KCNIP4: variants seen among roughly 807,000 people sequenced by gnomAD.
KCNIP4 encodes Kv channel-interacting protein 4.
KCNIP4 carries 12 observed loss-of-function variants against 34.0 expected under a neutral mutation model. The observed-to-expected ratio is 0.35, with a 90% CI of 0.23 to 0.57. The LOEUF (loss-of-function observed/expected upper bound fraction) is 0.57, where lower values mean the gene tolerates loss of function less well. Among genes scored for constraint, KCNIP4 ranks in the 20% least tolerant of loss-of-function variants. KCNIP4 has a pLI of 0.83. For synonymous variants in KCNIP4, 124 were observed against 102.2 expected, an observed-to-expected ratio of 1.21 and a Z score of -1.29; for missense variants, 238 against 311.7, an observed-to-expected ratio of 0.76 and a Z score of 1.78.
At chr4:21,386,017 C>T (rs180733864) in intron 1 of KCNIP4, among the ~76,000 whole-genome samples, 1 of 152,232 alleles carries the variant, frequency 6.6e-6, no homozygotes, top group East Asian at 1.9e-4. Flanking sequence ...AAATATCACA[C>T]TTGTCTCTTT....
intron 1 of KCNIP4, among the ~76,000 whole-genome samples, chr4:21,595,404 G>A (rs969883582): frequency 1.3e-5 from 2 of 152,014 alleles, no homozygotes; most frequent in African/African-American, 4.8e-5. Flanking sequence ...ATGGGCATTT[G>A]GGTGGGTTCC....
intron 1 of KCNIP4, among the ~76,000 whole-genome samples, chr4:21,696,002 C>A (rs1242311744): frequency 6.6e-6 from 1 of 152,016 alleles, no homozygotes; most frequent in Non-Finnish European, 1.5e-5. Flanking sequence ...TGAGAAACAC[C>A]ACAGAGCTCC....
At chr4:21,818,867 A>G (rs1722149095) in intron 1 of KCNIP4, among the ~76,000 whole-genome samples, 1 of 152,170 alleles carries the variant, frequency 6.6e-6, no homozygotes, top group African/African-American at 2.4e-5. Context: ...ACAAAACAAA[A>G]CAACAAAACA....
At chr4:21,592,807 T>C (rs1049775516) in intron 1 of KCNIP4, among the ~76,000 whole-genome samples, 2 of 152,096 alleles carry the variant, frequency 1.3e-5, no homozygotes, top group Admixed American at 6.6e-5. Context: ...GGAAAGTCAC[T>C]GAAAGAGCTG....
Position 21,868,845 on chromosome 4 carries a change from C to T in KCNIP4, c.61+79726G>A, listed in dbSNP as rs149486463. On this transcript the variant is annotated intron_variant, in intron 1 of 8. Transcript: ENST00000382152. ...GAACATAATGCCATAAAGAAAAAAACCCATTGGAACTGATCTTTCTTTGAC... is the reference window on the plus strand; with the variant it reads ...GAACATAATGCCATAAAGAAAAAAATCCATTGGAACTGATCTTTCTTTGAC... Among the ~76,000 whole-genome samples the T allele has an allele frequency of 6.5e-3, 989 of 152,206 alleles. 10 individuals are homozygous for T. Among genetic ancestry groups the T allele is most frequent in the African/African-American group, 0.021 (884 of 41,528 alleles).
intron 1 of KCNIP4, among the ~76,000 whole-genome samples, chr4:21,513,432 C>T (rs186812665): frequency 1.3e-5 from 2 of 152,300 alleles, no homozygotes; most frequent in Non-Finnish European, 2.9e-5. Context: ...ATGTGAGAAG[C>T]TGGCATTGGA....
intron 1 of KCNIP4, among the ~76,000 whole-genome samples, chr4:21,683,531 T>C (rs1018240988): frequency 8.0e-6 from 1 of 125,264 alleles, no homozygotes; most frequent in Non-Finnish European, 1.6e-5. Context: ...TGCAGTGGCA[T>C]GGTCTCAGCT....
intron 1 of KCNIP4, among the ~76,000 whole-genome samples, chr4:21,008,405 G>A (rs1560641172): frequency 1.3e-5 from 2 of 152,186 alleles, no homozygotes; most frequent in Non-Finnish European, 2.9e-5. Flanking sequence ...GTTTGCCAAA[G>A]AGCTGCTCTG....
Position 21,647,217 on chromosome 4 carries a change from TAC to T in KCNIP4, c.61+301352_61+301353del, listed in dbSNP as rs142267377. On this transcript the variant is annotated intron_variant, in intron 1 of 8. Transcript: ENST00000382152. ...GCCACCATACTATATTTATTAACCT[TAC>T]CAGAAAATATAGTACATGCACATAT... Among the ~76,000 whole-genome samples, 545 of 152,250 alleles carry T rather than the reference TAC, an allele frequency of 3.6e-3. 3 individuals are homozygous for T. The highest frequency in any genetic ancestry group is 0.013 in the African/African-American group (522 of 41,550).
At chr4:21,224,701 C>G (rs1273482230) in intron 1 of KCNIP4, among the ~76,000 whole-genome samples, 1 of 149,902 alleles carries the variant, frequency 6.7e-6, no homozygotes, top group African/African-American at 2.5e-5. Context: ...ATTCTCCTGC[C>G]TCAGCCTCCC....
At chr4:21,100,270 G>A (rs997758832) in intron 1 of KCNIP4, among the ~76,000 whole-genome samples, 1 of 152,128 alleles carries the variant, frequency 6.6e-6, no homozygotes, top group Non-Finnish European at 1.5e-5. Context: ...CACAGCCTTG[G>A]CTGGGCACGG....
intron 3 of KCNIP4, among the ~76,000 whole-genome samples, chr4:20,768,872 A>C (rs1354895514): frequency 6.6e-6 from 1 of 152,176 alleles, no homozygotes; most frequent in Non-Finnish European, 1.5e-5. Flanking sequence ...GCTGACCTAG[A>C]TACTATCCTT....
At chr4:21,181,505 C>T (rs779489099) in intron 1 of KCNIP4, among the ~76,000 whole-genome samples, 5 of 152,172 alleles carry the variant, frequency 3.3e-5, no homozygotes, top group South Asian at 2.1e-4. Context: ...CTCATCCATA[C>T]GTTCATGCAT....
At chr4:21,325,207 A>G (rs1714912119) in intron 1 of KCNIP4, among the ~76,000 whole-genome samples, 1 of 151,830 alleles carries the variant, frequency 6.6e-6, no homozygotes, top group African/African-American at 2.4e-5. Flanking sequence ...TGTTTGATAG[A>G]GTTCAGCAGC....
chr4:21,361,549 G>C (rs1719223732), intron 1 of KCNIP4, among the ~76,000 whole-genome samples: 1 of 151,964 alleles, frequency 6.6e-6, no homozygotes, highest in Admixed American at 6.6e-5. Flanking sequence ...TGCAAATCCT[G>C]CTAAAGTTTA....
chr4:21,032,114 T>G (rs1741077301), intron 1 of KCNIP4, among the ~76,000 whole-genome samples: 1 of 152,158 alleles, frequency 6.6e-6, no homozygotes, highest in Non-Finnish European at 1.5e-5. Context: ...AAACATTGCT[T>G]GTATCCTCTG....
chr4:21,837,216 C>A (rs1373959530), intron 1 of KCNIP4, among the ~76,000 whole-genome samples: 7 of 150,306 alleles, frequency 4.7e-5, no homozygotes, highest in African/African-American at 1.2e-4. Context: ...CGCGATCGGC[C>A]AAGCTGGGAT....
chr4:21,139,648 C>G (rs1438373442), intron 1 of KCNIP4, among the ~76,000 whole-genome samples: 1 of 152,186 alleles, frequency 6.6e-6, no homozygotes, highest in East Asian at 1.9e-4. Flanking sequence ...AAGGAACGTT[C>G]TAGCCTTAGC....
intron 1 of KCNIP4, among the ~76,000 whole-genome samples, chr4:21,350,289 G>A (rs1159121868): frequency 6.6e-6 from 1 of 152,068 alleles, no homozygotes; most frequent in African/African-American, 2.4e-5. Context: ...AAGGAGTAGA[G>A]ATGATTAAGA....
Sources: allele counts gnomAD v4.1 joint callset (sites outside exome capture counted in the v4.1 genomes callset), GRCh38; gene constraint gnomAD v4.1.1; transcripts MANE v1.5; gene names NCBI Gene and HGNC (gene_info 2026-07-23, HGNC 2026-07-21).